FANK1: variants seen among roughly 807,000 people sequenced by gnomAD.
The protein encoded by FANK1 is fibronectin type III and ankyrin repeat domains 1.
Under a neutral mutation model 45.3 loss-of-function variants are expected in FANK1, and 44 were observed. The ratio of observed to expected loss-of-function variants is 0.97; its 90% CI spans 0.76 to 1.25. FANK1 has a LOEUF of 1.25. FANK1 is among the 50% of genes most tolerant of loss of function. The probability of loss-of-function intolerance (pLI) is 0.00; values close to 1 mark genes in which losing one functional copy is unlikely to be tolerated. For missense variants in FANK1, 391 were observed against 424.4 expected (o/e 0.92, Z 0.69); for synonymous variants, 149 against 152.5 (o/e 0.98, Z 0.17).
chr10:125,927,728 T>C (rs1947462490), intron 1 of FANK1, among the ~76,000 whole-genome samples: 1 of 152,056 alleles, frequency 6.6e-6, no homozygotes, highest in African/African-American at 2.4e-5. Flanking sequence ...TTTTTTTTAG[T>C]AGAGACGGGG....
At chr10:125,992,370 C>T (rs1952007396) in intron 3 of FANK1, among the ~76,000 whole-genome samples, 2 of 152,184 alleles carry the variant, frequency 1.3e-5, no homozygotes, top group African/African-American at 4.8e-5. Flanking sequence ...TCAGTCCCTC[C>T]TTTCCCTCTT....
intron 1 of FANK1, among the ~76,000 whole-genome samples, chr10:125,932,876 C>T (rs187944284): frequency 6.6e-6 from 1 of 152,140 alleles, no homozygotes; most frequent in East Asian, 1.9e-4. Context: ...GAGGTATGTC[C>T]CTTGTGTACC....
At position 125,903,833 on chromosome 10, in the gene FANK1, TTTTG is replaced by T. The variant is rs974537393; in HGVS notation, c.13+7194_13+7197del. Among the ~76,000 whole-genome samples the T allele has an allele frequency of 4.1e-4, 63 of 152,042 alleles. 1 individual carries two copies. In the South Asian group the frequency reaches 0.01, roughly 25 times the overall value. ...CTCTCTCTCTATATATAAATATATA[TTTTG>T]TTTGTTTGTTTGTTTTGTTTTGTTT... is the stretch of plus-strand genomic sequence containing the variant. On this transcript the variant is annotated intron_variant, in intron 1 of 10. Transcript: ENST00000368693.
chr10:125,971,451 C>G (rs979996963), intron 1 of FANK1, among the ~76,000 whole-genome samples: 3 of 151,758 alleles, frequency 2.0e-5, no homozygotes, highest in Non-Finnish European at 4.4e-5. Flanking sequence ...CACAACATCT[C>G]TCTACTTTAT....
At chr10:125,910,923 A>G (rs530510715) in intron 1 of FANK1, among the ~76,000 whole-genome samples, 5 of 151,950 alleles carry the variant, frequency 3.3e-5, no homozygotes, top group African/African-American at 1.2e-4. Context: ...AGTTCCAGTT[A>G]CTTGGGAGGC....
chr10:126,008,630 TG>T, intron 8 of FANK1, 80 bp downstream of exon 8: 1 of 1,509,300 alleles, frequency 6.6e-7, no homozygotes, highest in East Asian at 2.3e-5. Flanking sequence ...ACAATTCTTG[TG>T]AGTTCAGCCC....
intron 1 of FANK1, among the ~76,000 whole-genome samples, chr10:125,943,161 A>T (rs1948562689): frequency 6.6e-6 from 1 of 152,082 alleles, no homozygotes. Context: ...TTCATTGTTC[A>T]TCTTTAATCA....
intron 1 of FANK1, among the ~76,000 whole-genome samples, chr10:125,954,181 G>A (rs1314282554): frequency 7.5e-6 from 1 of 132,464 alleles, no homozygotes. Context: ...TTGGTGGGAA[G>A]AGCCATTGCG....
chr10:125,967,828 A>G (rs529451866), intron 1 of FANK1, among the ~76,000 whole-genome samples: 1 of 152,328 alleles, frequency 6.6e-6, no homozygotes, highest in Non-Finnish European at 1.5e-5. Context: ...TTTAGCTTTT[A>G]TATTTATTTT....
intron 2 of FANK1, 146 bp downstream of exon 2, chr10:125,980,484 A>G (rs2134201749): frequency 1.0e-6 from 1 of 972,310 alleles, no homozygotes; most frequent in Non-Finnish European, 1.5e-6. Flanking sequence ...ATGAATTACA[A>G]TTTTTGGAAA....
In FANK1 at chr10:125,969,628, A is replaced by T. The variant is rs547263548; in HGVS notation, c.14-10533A>T. On this transcript the variant is annotated intron_variant, in intron 1 of 10. Transcript: ENST00000368693. ...AGCTTTTGAATTTTTCTTTTTTTTT[A>T]AATTTTTTTTAGTATTTATTGATCA... Among the ~76,000 whole-genome samples the T allele has an allele frequency of 2.4e-3, 369 of 152,062 alleles. 1 individual carries two copies. The highest frequency in any genetic ancestry group is 8.1e-3 in the African/African-American group (337 of 41,476).
At chr10:125,988,397 T>G (rs570110806) in intron 2 of FANK1, among the ~76,000 whole-genome samples, 154 bp from the exon 3 acceptor site, 6 of 152,320 alleles carry the variant, frequency 3.9e-5, no homozygotes, top group African/African-American at 1.4e-4. Context: ...GTGGGACTTG[T>G]CCTTCATTCT....
intron 1 of FANK1, among the ~76,000 whole-genome samples, chr10:125,930,626 C>T (rs895641700): frequency 5.9e-5 from 9 of 152,030 alleles, no homozygotes; most frequent in Non-Finnish European, 1.2e-4. Context: ...TAGGAGCCAC[C>T]GCACCTGGCC....
At position 125,900,902 on chromosome 10, in the gene FANK1, G is replaced by A. The variant is rs539759649; in HGVS notation, c.13+4247G>A. ...TGATCTCATGTGATCCACCCGCCTC[G>A]GCCTCCCAAAGTGCTGGGATTATAG... On this transcript the variant is annotated intron_variant, in intron 1 of 10. Transcript: ENST00000368693. Among the ~76,000 whole-genome samples the A allele has an allele frequency of 2.6e-5, 4 of 152,172 alleles. No individual in the cohort carries two copies. In the South Asian group the frequency reaches 6.2e-4, roughly 24 times the overall value.
chr10:125,985,256 G>T lies in FANK1; in HGVS notation c.192-3295G>T, dbSNP rs142465509. ...ACACCTTGCACTGAATTCTGGTGAGGCTTGGCTATTATATTCTCACTGAAC... is the reference window on the plus strand; with the variant it reads ...ACACCTTGCACTGAATTCTGGTGAGTCTTGGCTATTATATTCTCACTGAAC... On this transcript the variant is annotated intron_variant, in intron 2 of 10. Coordinates refer to ENST00000368693, the MANE Select transcript of FANK1 (RefSeq NM_145235.5). Among the ~76,000 whole-genome samples the T allele has an allele frequency of 9.9e-4, 151 of 152,276 alleles. 3 individuals carry two copies. Among genetic ancestry groups the T allele is most frequent in the African/African-American group, 3.3e-3 (139 of 41,546 alleles).
At chr10:125,981,715 C>T (rs1424660765) in intron 2 of FANK1, among the ~76,000 whole-genome samples, 1 of 151,924 alleles carries the variant, frequency 6.6e-6, no homozygotes, top group Non-Finnish European at 1.5e-5. Flanking sequence ...GTGATTGTAC[C>T]TTTTCCCATT....
At chr10:125,958,867 T>C (rs1457319503) in intron 1 of FANK1, among the ~76,000 whole-genome samples, 1 of 152,220 alleles carries the variant, frequency 6.6e-6, no homozygotes, top group Non-Finnish European at 1.5e-5. Context: ...CATCCCATGC[T>C]CATGGATCAG....
chr10:126,002,763 C>CTTTTTT (rs375158618), intron 6 of FANK1, among the ~76,000 whole-genome samples: 3 of 113,204 alleles, frequency 2.7e-5, no homozygotes, highest in East Asian at 2.6e-4. Context: ...TTTGCCTCTC[C>CTTTTTT]TTTTTTTTTT....
At chr10:125,944,573 G>A (rs1948651839) in intron 1 of FANK1, among the ~76,000 whole-genome samples, 1 of 152,164 alleles carries the variant, frequency 6.6e-6, no homozygotes, top group Admixed American at 6.5e-5. Context: ...ACTGTAACAT[G>A]TTCATAATGG....
Sources: allele counts gnomAD v4.1 joint callset (sites outside exome capture counted in the v4.1 genomes callset), GRCh38; gene constraint gnomAD v4.1.1; transcripts MANE v1.5; gene names NCBI Gene and HGNC (gene_info 2026-07-23, HGNC 2026-07-21).